Variants in RAD52 observed in about 807,000 individuals in gnomAD.
RAD52 encodes the protein DNA repair protein RAD52 homolog.
A neutral mutation model predicts 55.5 loss-of-function variants in RAD52; 47 were observed. The ratio of observed to expected loss-of-function variants is 0.85; its 90% confidence interval spans 0.67 to 1.08. RAD52 has a LOEUF of 1.08. RAD52 is among the 50% of genes least tolerant of loss of function. RAD52 has a pLI of 0.00. For synonymous variants in RAD52, 184 were observed against 198.9 expected, an observed-to-expected ratio of 0.92 and a Z score of 0.63; for missense variants, 468 against 522.8, an observed-to-expected ratio of 0.90 and a Z score of 1.02.
intron 7 of RAD52, among the ~76,000 whole-genome samples, chr12:918,196 A>T (rs4766370): frequency 0.44 from 67,156 of 151,912 alleles, 15,073 homozygotes; most frequent in East Asian, 0.53. Flanking sequence ...AGCTACAAAA[A>T]CCAAAATGTC....
At chr12:971,120 T>A (rs1242178845) in intron 1 of RAD52, among the ~76,000 whole-genome samples, 1 of 152,174 alleles carries the variant, frequency 6.6e-6, no homozygotes, top group East Asian at 1.9e-4. Context: ...AGCAGCAAGC[T>A]CCTTTGGTTG....
At chr12:978,855 G>A (rs1420741508) in intron 1 of RAD52, among the ~76,000 whole-genome samples, 1 of 151,740 alleles carries the variant, frequency 6.6e-6, no homozygotes, top group Non-Finnish European at 1.5e-5. Flanking sequence ...CTGGGTGACA[G>A]AGACTCCGTC....
chr12:955,451 A>T (rs1410742121), intron 1 of RAD52, among the ~76,000 whole-genome samples: 3 of 148,156 alleles, frequency 2.0e-5, no homozygotes, highest in African/African-American at 7.5e-5. Flanking sequence ...GATTTGGGAC[A>T]GCAACGTACT....
At chr12:977,527 T>C (rs1196222013) in intron 1 of RAD52, among the ~76,000 whole-genome samples, 2 of 152,110 alleles carry the variant, frequency 1.3e-5, no homozygotes, top group African/African-American at 2.4e-5. Context: ...ATTAGGAAAA[T>C]TTCCCCTCCC....
intron 1 of RAD52, among the ~76,000 whole-genome samples, chr12:971,780 C>T (rs1338195614): frequency 7.3e-5 from 11 of 151,564 alleles, no homozygotes; most frequent in African/African-American, 4.8e-5. Flanking sequence ...GACGGAGTCT[C>T]GCTGTCGCCC....
At chr12:937,810 T>C (rs887695046) in intron 1 of RAD52, among the ~76,000 whole-genome samples, 38 of 152,094 alleles carry the variant, frequency 2.5e-4, no homozygotes, top group Admixed American at 1.6e-3. Flanking sequence ...AGAGCTTTCT[T>C]TGGTATCCAG....
At chr12:969,232 C>T (rs1958808740) in intron 1 of RAD52, among the ~76,000 whole-genome samples, 1 of 151,884 alleles carries the variant, frequency 6.6e-6, no homozygotes, top group South Asian at 2.1e-4. Flanking sequence ...GGTGCTGGAA[C>T]CAATCCACCA....
chr12:957,417 G>A (rs1267733512), intron 1 of RAD52, among the ~76,000 whole-genome samples: 1 of 124,976 alleles, frequency 8.0e-6, no homozygotes, highest in African/African-American at 3.1e-5. Context: ...AGTGACCCAA[G>A]ATCATGCCAT....
At chr12:952,274 AT>A (rs796296958), upstream of RAD52, among the ~76,000 whole-genome samples, 1 of 151,966 alleles carries the variant, frequency 6.6e-6, no homozygotes, top group Admixed American at 6.6e-5. Flanking sequence ...AATTAAAAAA[AT>A]TTTTTTTAGA....
intron 1 of RAD52, among the ~76,000 whole-genome samples, chr12:942,413 A>C (rs994931526): frequency 2.0e-5 from 3 of 152,172 alleles, no homozygotes; most frequent in African/African-American, 2.4e-5. Context: ...CCATTCACCT[A>C]AACTAGAAAT....
rs150822583 is a variant in RAD52, at chr12:967,965, G to A, written c.-19+21844C>T. Among the ~76,000 whole-genome samples, 125 of 152,186 alleles carry A rather than the reference G, an allele frequency of 8.2e-4. 3 individuals carry two copies. Among genetic ancestry groups the A allele is most frequent in the African/African-American group, 2.7e-3 (111 of 41,454 alleles). On this transcript the variant is annotated intron_variant, in intron 1 of 11. Coordinates refer to the RAD52 transcript ENST00000430095. ...CCCAAAGTGCTGGGATTACTGGTGT[G>A]AGCCACTGTGTCTGGCCTATTTTTG...
intron 1 of RAD52, among the ~76,000 whole-genome samples, chr12:934,502 C>A (rs1957513201): frequency 6.7e-6 from 1 of 150,354 alleles, no homozygotes; most frequent in South Asian, 2.1e-4. Context: ...GCTCTGAAAA[C>A]AAATGAATTT....
intron 2 of RAD52, 117 bp downstream of exon 2, chr12:932,856 GTA>G (rs1469981492): frequency 2.9e-5 from 20 of 684,402 alleles, no homozygotes; most frequent in South Asian, 1.3e-4. Context: ...GCTCACACAC[GTA>G]CTAGGTAAAC....
intron 1 of RAD52, among the ~76,000 whole-genome samples, chr12:988,309 TGAGTATCCTA>T (rs879476608): frequency 5.9e-5 from 9 of 152,258 alleles, no homozygotes; most frequent in Non-Finnish European, 1.2e-4. Flanking sequence ...TTACTTCATC[TGAGTATCCTA>T]GTATACTAAT....
upstream of RAD52, among the ~76,000 whole-genome samples, chr12:953,027 A>G: frequency 1.8e-5 from 1 of 56,586 alleles, no homozygotes; most frequent in Non-Finnish European, 3.4e-5. Flanking sequence ...GGGAAGGGAG[A>G]CGCCCGGGCC....
At chr12:940,369 C>A (rs776964875) in intron 1 of RAD52, among the ~76,000 whole-genome samples, 1 of 152,096 alleles carries the variant, frequency 6.6e-6, no homozygotes, top group Admixed American at 6.5e-5. Context: ...GAGGCCAAGG[C>A]GGGCGGATCA....
At chr12:973,748 G>A (rs1422751970) in intron 1 of RAD52, among the ~76,000 whole-genome samples, 4 of 149,770 alleles carry the variant, frequency 2.7e-5, no homozygotes, top group South Asian at 2.1e-4. Context: ...CAAAATGTTC[G>A]GATTACAGGC....
intron 1 of RAD52, among the ~76,000 whole-genome samples, chr12:942,926 CCAGA>C (rs1439026971): frequency 6.6e-6 from 1 of 152,102 alleles, no homozygotes; most frequent in East Asian, 1.9e-4. Flanking sequence ...GAATAGGCAA[CCAGA>C]CAGAGGACAG....
In RAD52 at chr12:925,496, A is replaced by G. The variant is rs1250261090; in HGVS notation, c.497T>C (p.Ile166Thr). The G allele has an allele frequency of 1.2e-5, 20 of 1,613,886 alleles. No individual in the cohort carries two copies. Among genetic ancestry groups the G allele is most frequent in the South Asian group, 2.2e-5 (2 of 91,084 alleles). ...TGATCTCAGGTAGTCTTTGTCCAGA[A>G]TACAGTTTCCAAGTGCATTCCCAAA... ...RSFGNALGNC[I>T]LDKDYLRSLN... The change falls in exon 7 of 12, where the codon ATT becomes ACT. Residue 166 changes from isoleucine to threonine, a missense_variant. By Grantham distance (89) the Ile-to-Thr change is moderately conservative. Transcript: ENST00000358495.
Sources: allele counts gnomAD v4.1 joint callset (sites outside exome capture counted in the v4.1 genomes callset), GRCh38; gene constraint gnomAD v4.1.1; transcripts MANE v1.5; gene names NCBI Gene and HGNC (gene_info 2026-07-23, HGNC 2026-07-21).